The following TRPS1 variants were observed in gnomAD, a reference collection of about 807,000 sequenced individuals.
TRPS1 encodes the protein zinc finger transcription factor Trps1.
TRPS1 carries 6 observed loss-of-function variants against 101.2 expected under a neutral mutation model. The observed-to-expected ratio is 0.06, with a 90% CI of 0.03 to 0.12. The LOEUF (loss-of-function observed/expected upper bound fraction) is 0.12, where lower values mean the gene tolerates loss of function less well. TRPS1 is among the 10% of genes least tolerant of loss of function. The probability of loss-of-function intolerance (pLI) is 1.00; values close to 1 mark genes in which losing one functional copy is unlikely to be tolerated. For missense variants in TRPS1, 1,363 were observed against 1,567.0 expected, an observed-to-expected ratio of 0.87 and a Z score of 2.20; for synonymous variants, 578 against 589.8, an observed-to-expected ratio of 0.98 and a Z score of 0.29.
chr8:115,476,951 A>T (rs929160423), intron 5 of TRPS1, among the ~76,000 whole-genome samples: 1 of 152,224 alleles, frequency 6.6e-6, no homozygotes, highest in Admixed American at 6.5e-5. Context: ...TTTCTCAAAA[A>T]CAACAATAAT....
chr8:115,454,483 C>T lies in TRPS1; in HGVS notation c.2701-36031G>A, dbSNP rs150128599. On this transcript the variant is annotated intron_variant, in intron 5 of 6. Transcript: ENST00000395715. Reference sequence around the variant, plus strand: ...ATTTCTTTCATCAGCATTCACACTACTGCAATGATAGAATGCTCTATTACT... The same window carrying T: ...ATTTCTTTCATCAGCATTCACACTATTGCAATGATAGAATGCTCTATTACT... 1.7e-4 allele frequency among the ~76,000 whole-genome samples: 26 copies of T among 152,290 alleles called. No homozygotes were observed. The East Asian group carries it at 5.0e-3, about 29-fold the overall frequency.
intron 5 of TRPS1, among the ~76,000 whole-genome samples, chr8:115,478,421 T>A (rs1814659463): frequency 6.6e-6 from 1 of 152,178 alleles, no homozygotes; most frequent in South Asian, 2.1e-4. Context: ...CCTTTTAACA[T>A]TGTTTGATTT....
At chr8:115,459,497 T>G (rs1403919818) in intron 5 of TRPS1, among the ~76,000 whole-genome samples, 1 of 152,096 alleles carries the variant, frequency 6.6e-6, no homozygotes, top group Non-Finnish European at 1.5e-5. Context: ...AGGAAGGATA[T>G]CACCAGAATC....
At chr8:115,521,715 TA>T (rs1157943624) in intron 5 of TRPS1, among the ~76,000 whole-genome samples, 1 of 151,948 alleles carries the variant, frequency 6.6e-6, no homozygotes, top group Non-Finnish European at 1.5e-5. Flanking sequence ...ATACTTTATT[TA>T]AAAAATAGCA....
intron 1 of TRPS1, among the ~76,000 whole-genome samples, chr8:115,643,112 T>C (rs2130591492): frequency 6.6e-6 from 1 of 152,300 alleles, no homozygotes; most frequent in Middle Eastern, 3.4e-3. Context: ...TAAAAAATAC[T>C]AACAGTCACC....
intron 5 of TRPS1, among the ~76,000 whole-genome samples, chr8:115,556,444 G>C (rs1176892011): frequency 6.6e-6 from 1 of 152,006 alleles, no homozygotes; most frequent in Non-Finnish European, 1.5e-5. Context: ...AAATCTCTCG[G>C]AGTCAACTGT....
intron 1 of TRPS1, among the ~76,000 whole-genome samples, chr8:115,640,524 T>C (rs554755551): frequency 6.6e-6 from 1 of 152,320 alleles, no homozygotes; most frequent in East Asian, 1.9e-4. Context: ...AACTGTTATC[T>C]GTCAGTGTTG....
At chr8:115,505,859 A>AT (rs1201544229) in intron 5 of TRPS1, among the ~76,000 whole-genome samples, 1 of 152,068 alleles carries the variant, frequency 6.6e-6, no homozygotes, top group Non-Finnish European at 1.5e-5. Flanking sequence ...AAGCTTACAA[A>AT]TTTTTTTAAA....
intron 5 of TRPS1, among the ~76,000 whole-genome samples, chr8:115,468,309 T>G (rs1814378214): frequency 6.6e-6 from 1 of 152,222 alleles, no homozygotes; most frequent in Non-Finnish European, 1.5e-5. Flanking sequence ...AACGGGATAT[T>G]TGCTTAATCT....
intron 5 of TRPS1, among the ~76,000 whole-genome samples, chr8:115,464,820 T>C (rs572697870): frequency 4.8e-4 from 73 of 152,214 alleles, no homozygotes; most frequent in African/African-American, 1.6e-3. Context: ...AACACTTTTA[T>C]GTCTTTAAGA....
intron 1 of TRPS1, among the ~76,000 whole-genome samples, chr8:115,633,936 C>G (rs757046487): frequency 1.3e-5 from 2 of 151,976 alleles, no homozygotes; most frequent in Non-Finnish European, 2.9e-5. Context: ...AACTTTATGC[C>G]TGGTTAATAT....
At chr8:115,583,422 C>A (rs1160139302) in intron 5 of TRPS1, among the ~76,000 whole-genome samples, 1 of 152,046 alleles carries the variant, frequency 6.6e-6, no homozygotes, top group African/African-American at 2.4e-5. Flanking sequence ...ATGTTAACCT[C>A]TTCACAGACC....
intron 5 of TRPS1, among the ~76,000 whole-genome samples, chr8:115,421,037 C>T (rs1813039797): frequency 6.6e-6 from 1 of 150,446 alleles, no homozygotes; most frequent in African/African-American, 2.5e-5. Context: ...GGCTGGAGTG[C>T]AATGGCACAC....
chr8:115,516,814 T>C (rs1216916780), intron 5 of TRPS1, among the ~76,000 whole-genome samples: 2 of 151,528 alleles, frequency 1.3e-5, no homozygotes, highest in African/African-American at 4.8e-5. Flanking sequence ...ACCGTTAAGC[T>C]TAATCCCAAA....
intron 1 of TRPS1, among the ~76,000 whole-genome samples, chr8:115,635,679 C>T (rs1045619328): frequency 2.6e-5 from 4 of 151,930 alleles, no homozygotes; most frequent in African/African-American, 4.8e-5. Context: ...CAAAAACTGG[C>T]CAGGTGAAAA....
At position 115,668,920 on chromosome 8, in the gene TRPS1, T is replaced by C. The variant is rs1422455280; in HGVS notation, c.-497A>G. The C allele has an allele frequency of 1.3e-5, 2 of 151,420 alleles. No individual in the cohort carries two copies. The highest frequency in any genetic ancestry group is 3.9e-4 in the East Asian group (2 of 5,144). 9.4% of individuals were successfully genotyped at this position (151,420 alleles called of 1,614,324 possible). ...GAGGACGCTAGAGATTGCAGTAAGA[T>C]CGGGTCTTTATCAGAAATGTTATCG... On this transcript the variant is annotated 5_prime_UTR_variant, in exon 1 of 7. Transcript: ENST00000395715.
intron 1 of TRPS1, among the ~76,000 whole-genome samples, chr8:115,632,728 G>T (rs766557660): frequency 6.6e-6 from 1 of 152,080 alleles, no homozygotes; most frequent in South Asian, 2.1e-4. Context: ...AGACACAAAC[G>T]AATGCATGCT....
In TRPS1 at chr8:115,408,599, G is replaced by A. The variant is rs1240829356; in HGVS notation, c.*5424C>T. Reference sequence around the variant, plus strand: ...AGAAATACACCAAGAACATGTTTGTGAGTAGAAATGAACATGCACTATGAA... The same window carrying A: ...AGAAATACACCAAGAACATGTTTGTAAGTAGAAATGAACATGCACTATGAA... On this transcript the variant is annotated 3_prime_UTR_variant, in exon 7 of 7. Transcript: ENST00000395715. 6.6e-6 allele frequency: 1 copy of A among 150,778 alleles called. No individual in the cohort carries two copies. The highest frequency in any genetic ancestry group is 1.5e-5 in the Non-Finnish European group (1 of 67,506). The allele number at this position is 150,778 out of a possible 1,614,324, so 9.3% of individuals were successfully genotyped here.
intron 4 of TRPS1, among the ~76,000 whole-genome samples, chr8:115,598,187 A>C (rs1288610411): frequency 6.6e-6 from 1 of 151,698 alleles, no homozygotes; most frequent in South Asian, 2.1e-4. Flanking sequence ...GAAGTTATGC[A>C]TTCATTTCCT....
Sources: allele counts gnomAD v4.1 joint callset (sites outside exome capture counted in the v4.1 genomes callset), GRCh38; gene constraint gnomAD v4.1.1; transcripts MANE v1.5; gene names NCBI Gene and HGNC (gene_info 2026-07-23, HGNC 2026-07-21).